Variants in DCLK3 observed in about 807,000 individuals in gnomAD.
DCLK3 encodes serine/threonine-protein kinase DCLK3.
DCLK3 carries 30 observed loss-of-function variants against 46.4 expected under a neutral mutation model. The observed-to-expected ratio is 0.65, with a 90% CI of 0.48 to 0.88. The LOEUF (loss-of-function observed/expected upper bound fraction) is 0.88. DCLK3 is among the 40% of genes least tolerant of loss of function. The pLI is 0.00. For synonymous variants in DCLK3, 401 were observed against 339.2 expected (o/e 1.18, Z -2.00); for missense variants, 846 against 907.1 (o/e 0.93, Z 0.87).
At chr3:36,761,166 C>T (rs1401808805) in intron 1 of DCLK3, among the ~76,000 whole-genome samples, 3 of 152,222 alleles carry the variant, frequency 2.0e-5, no homozygotes, top group South Asian at 2.1e-4. Context: ...CTATCCACAT[C>T]ATGATGCCTC....
intron 1 of DCLK3, among the ~76,000 whole-genome samples, chr3:36,744,846 C>T (rs979976007): frequency 6.6e-6 from 1 of 152,196 alleles, no homozygotes; most frequent in African/African-American, 2.4e-5. Context: ...CCTAAGCAAA[C>T]AGGTCTGCTG....
chr3:36,730,939 G>A (rs1701191501), intron 2 of DCLK3, among the ~76,000 whole-genome samples: 1 of 152,006 alleles, frequency 6.6e-6, no homozygotes, highest in Non-Finnish European at 1.5e-5. Flanking sequence ...AGCAAGCAGG[G>A]GCAGGAGCAG....
intron 3 of DCLK3, among the ~76,000 whole-genome samples, chr3:36,721,065 A>G (rs1047838663): frequency 6.6e-6 from 1 of 152,248 alleles, no homozygotes; most frequent in African/African-American, 2.4e-5. Context: ...ATAATATACA[A>G]GTAGGTAATA....
intron 2 of DCLK3, among the ~76,000 whole-genome samples, chr3:36,725,015 TAAAAA>T (rs747789503): frequency 7.0e-6 from 1 of 142,490 alleles, no homozygotes; most frequent in Non-Finnish European, 1.5e-5. Context: ...TCTCATTTGT[TAAAAA>T]AAAAAAAAAA....
In DCLK3 at chr3:36,737,635, G is replaced by A. The variant is rs1190940301; in HGVS notation, c.1532C>T (p.Pro511Leu). The change falls in exon 2 of 5, where the codon CCA becomes CTA. Residue 511 changes from proline to leucine, a missense_variant. Pro to Leu is a moderately conservative substitution (Grantham distance 98). Around this residue, in one of 3 missense-constraint regions of DCLK3, gnomAD observed 553 missense variants for 543.0 expected, o/e 1.02. Coordinates refer to ENST00000636136, the MANE Select transcript of DCLK3 (RefSeq NM_001394672.2). The surrounding 1 kb of genome is among the most constrained non-coding windows in gnomAD (Gnocchi z 4.4). ...GGCGGCAATGATGCCCATGGGCCGT[G>A]GCTTCCGACCGCTGGGCCGCTCTGG... is the stretch of plus-strand genomic sequence containing the variant. ...NKPERPSGRK[P>L]RPMGIIAANV... 3 of 1,613,970 alleles carry A rather than the reference G, an allele frequency of 1.9e-6. No homozygotes were observed. Among genetic ancestry groups the A allele is most frequent in the African/African-American group, 1.3e-5 (1 of 74,940 alleles).
intron 1 of DCLK3, among the ~76,000 whole-genome samples, chr3:36,741,275 T>C: frequency 6.6e-6 from 1 of 152,196 alleles, no homozygotes; most frequent in Middle Eastern, 3.2e-3. Flanking sequence ...GGTGTTCTTG[T>C]TGGTTTTTCT....
intron 1 of DCLK3, among the ~76,000 whole-genome samples, chr3:36,761,302 G>C (rs1701537122): frequency 6.6e-6 from 1 of 152,118 alleles, no homozygotes; most frequent in African/African-American, 2.4e-5. Flanking sequence ...AACACTCTGA[G>C]GCTGGCTGAA....
intron 1 of DCLK3, among the ~76,000 whole-genome samples, chr3:36,753,831 A>G (rs1210801381): frequency 6.6e-6 from 1 of 152,048 alleles, no homozygotes; most frequent in Non-Finnish European, 1.5e-5. Context: ...CACCACACTC[A>G]GCTAATTTTT....
At position 36,737,192 on chromosome 3, in the gene DCLK3, A is replaced by C; in HGVS notation, c.1959+16T>G. ...TAAAAACACCCTCTCCCATATCATC[A>C]AAAGTCAAGGCTTACCAAAAGGTTT... On this transcript the variant is annotated intron_variant, in intron 2 of 4. Transcript: ENST00000636136. The surrounding 1 kb of genome is among the most constrained non-coding windows in gnomAD (Gnocchi z 4.4). 1 of 1,606,334 alleles carries C rather than the reference A, an allele frequency of 6.2e-7. No individual in the cohort carries two copies. The highest frequency in any genetic ancestry group is 8.5e-7 in the Non-Finnish European group (1 of 1,175,076).
chr3:36,749,578 G>T (rs1165081361), intron 1 of DCLK3, among the ~76,000 whole-genome samples: 1 of 152,170 alleles, frequency 6.6e-6, no homozygotes, highest in Non-Finnish European at 1.5e-5. Flanking sequence ...TAGGTGTAAG[G>T]ATACTTGGAA....
chr3:36,719,260 T>C (rs941333607), intron 3 of DCLK3, among the ~76,000 whole-genome samples: 1 of 152,208 alleles, frequency 6.6e-6, no homozygotes, highest in Non-Finnish European at 1.5e-5. Context: ...CACAGCAATA[T>C]AGACATTTTC....
At chr3:36,740,587 A>G (rs1158333869) in intron 1 of DCLK3, among the ~76,000 whole-genome samples, 4 of 152,252 alleles carry the variant, frequency 2.6e-5, no homozygotes, top group Non-Finnish European at 5.9e-5. Flanking sequence ...CATGAATAAA[A>G]CAAGACTTTT....
chr3:36,736,843 G>T (rs1231886949), intron 2 of DCLK3, among the ~76,000 whole-genome samples: 2 of 152,202 alleles, frequency 1.3e-5, no homozygotes, highest in East Asian at 3.9e-4. Context: ...CAGTGGGAGG[G>T]TGGATGATGC....
intron 2 of DCLK3, among the ~76,000 whole-genome samples, chr3:36,732,967 A>C (rs144593053): frequency 1.3e-5 from 2 of 152,328 alleles, no homozygotes; most frequent in East Asian, 3.9e-4. Flanking sequence ...TGGTAAAGGG[A>C]GAATGAGCAG....
chr3:36,733,684 A>G (rs1408862696), intron 2 of DCLK3, among the ~76,000 whole-genome samples: 1 of 152,230 alleles, frequency 6.6e-6, no homozygotes, highest in African/African-American at 2.4e-5. Flanking sequence ...GGAAATTCTT[A>G]TAATTAAAAC....
chr3:36,732,877 G>A (rs1450694932), intron 2 of DCLK3, among the ~76,000 whole-genome samples: 1 of 152,186 alleles, frequency 6.6e-6, no homozygotes, highest in East Asian at 1.9e-4. Flanking sequence ...GCAATAATCA[G>A]TGACTCCTTC....
chr3:36,718,322 C>T (rs1701011857), intron 3 of DCLK3, 145 bp from the exon 4 acceptor site: 1 of 1,068,640 alleles, frequency 9.4e-7, no homozygotes. Context: ...CACTTCCAAA[C>T]ACAGCTCCCT....
chr3:36,723,119 G>A (rs1701082239), intron 2 of DCLK3, among the ~76,000 whole-genome samples: 1 of 152,186 alleles, frequency 6.6e-6, no homozygotes, highest in African/African-American at 2.4e-5. Context: ...GGAACTTGTT[G>A]GGAACTGGGA....
chr3:36,736,741 C>T (rs550534833), intron 2 of DCLK3, among the ~76,000 whole-genome samples: 3 of 152,356 alleles, frequency 2.0e-5, no homozygotes, highest in Admixed American at 6.5e-5. Flanking sequence ...GCCTCATCGG[C>T]ACTCCTTACA....
Sources: gnomAD v4.1 joint callset for allele counts (sites outside exome capture counted in the v4.1 genomes callset) on GRCh38, gnomAD v4.1.1 for gene constraint, gnomAD v4.1.1 regional missense constraint, Gnocchi (gnomAD v3.1) non-coding constraint, MANE v1.5 for transcripts, NCBI Gene and HGNC (gene_info 2026-07-23, HGNC 2026-07-21) for gene names.